MMD2: variants seen among roughly 807,000 people sequenced by gnomAD.
MMD2 encodes monocyte to macrophage differentiation factor 2.
In MMD2, 30 loss-of-function variants were observed where a neutral mutation model predicts 33.5. The observed-to-expected ratio is 0.90, with a 90% confidence interval of 0.67 to 1.22. The LOEUF (loss-of-function observed/expected upper bound fraction) is 1.22. Ranked by LOEUF, MMD2 falls within the 50% of genes most tolerant of loss-of-function variation. The pLI is 0.00. For synonymous variants in MMD2, 129 were observed against 123.0 expected, an observed-to-expected ratio of 1.05 and a Z score of -0.32; for missense variants, 364 against 325.4, an observed-to-expected ratio of 1.12 and a Z score of -0.91.
intron 1 of MMD2, among the ~76,000 whole-genome samples, chr7:4,941,074 G>A (rs1312384287): frequency 6.6e-6 from 1 of 152,206 alleles, no homozygotes; most frequent in African/African-American, 2.4e-5. Flanking sequence ...GGGTTAGGAG[G>A]AGGGGTCGCC....
intron 6 of MMD2, 96 bp from the exon 7 acceptor site, chr7:4,907,695 G>T: frequency 8.0e-7 from 1 of 1,252,470 alleles, no homozygotes; most frequent in Non-Finnish European, 1.1e-6. Context: ...CAAAAGACAT[G>T]CAGATGGCAA....
At chr7:4,936,157 T>A (rs1263240722) in intron 1 of MMD2, among the ~76,000 whole-genome samples, 2 of 145,012 alleles carry the variant, frequency 1.4e-5, no homozygotes, top group African/African-American at 2.6e-5. Flanking sequence ...TGCACTCCAG[T>A]CTGGGTGACG....
chr7:4,909,660 C>T (rs1784955372), intron 6 of MMD2: 1 of 727,718 alleles, frequency 1.4e-6, no homozygotes. Flanking sequence ...GGTCTCAAAT[C>T]CCTGGACTCA....
At chr7:4,897,702 G>C in the MMD2 span, among the ~76,000 whole-genome samples, 88 of 152,124 alleles carry the variant, frequency 5.8e-4, no homozygotes, top group African/African-American at 2.0e-3. Context: ...AACACTGGGT[G>C]CCCTCCTTCC....
intron 1 of MMD2, among the ~76,000 whole-genome samples, chr7:4,933,293 T>C (rs1324093699): frequency 3.3e-5 from 5 of 152,082 alleles, no homozygotes; most frequent in Non-Finnish European, 5.9e-5. Context: ...GCCCAGGAGG[T>C]CAAGGCTACA....
At chr7:4,912,463 G>A (rs1032802774) in intron 4 of MMD2, among the ~76,000 whole-genome samples, 1 of 151,618 alleles carries the variant, frequency 6.6e-6, no homozygotes, top group African/African-American at 2.4e-5. Flanking sequence ...TCAGGAGGCT[G>A]AGGCAGGAGA....
At chr7:4,938,267 C>T (rs1476104094) in intron 1 of MMD2, among the ~76,000 whole-genome samples, 4 of 152,032 alleles carry the variant, frequency 2.6e-5, no homozygotes, top group African/African-American at 7.2e-5. Context: ...CCTCAGCCTC[C>T]CAAAGTGCTG....
intron 6 of MMD2, among the ~76,000 whole-genome samples, chr7:4,908,684 G>A (rs1367132716): frequency 4.6e-5 from 7 of 151,706 alleles, no homozygotes. Flanking sequence ...GGATCACGAG[G>A]TCAGGAGTTC....
At chr7:4,893,004 G>C in the MMD2 span, among the ~76,000 whole-genome samples, 1 of 152,066 alleles carries the variant, frequency 6.6e-6, no homozygotes, top group African/African-American at 2.4e-5. Context: ...GCGAGCCACC[G>C]CACCCAGCTG....
intron 4 of MMD2, 28 bp downstream of exon 4, chr7:4,915,977 G>C (rs758914498): frequency 1.2e-6 from 2 of 1,605,808 alleles, no homozygotes; most frequent in Non-Finnish European, 8.5e-7. Context: ...GCCGCCAAGG[G>C]TTTGCTGGGC....
the MMD2 span, among the ~76,000 whole-genome samples, chr7:4,895,043 C>T: frequency 3.3e-5 from 5 of 151,548 alleles, no homozygotes; most frequent in African/African-American, 9.7e-5. Flanking sequence ...AACGCTCAGC[C>T]GCTTGCATCC....
rs567067419 is a variant in MMD2 at position 4,942,442 on chromosome 7, T to A, written c.47+16529A>T. Among the ~76,000 whole-genome samples the A allele has an allele frequency of 5.0e-4, 75 of 151,228 alleles. 2 individuals carry two copies. In the South Asian group the frequency reaches 0.014, roughly 27 times the overall value. On this transcript the variant is annotated intron_variant, in intron 1 of 6. Coordinates refer to ENST00000401401, the MANE Select transcript of MMD2 (RefSeq NM_198403.4). ...TTTTTTTTTAATTAAAAAATTTTTT[T>A]AATTAATTAGAAATGGAGCCTCACT...
intron 1 of MMD2, among the ~76,000 whole-genome samples, chr7:4,951,194 T>C (rs1339204840): frequency 6.6e-6 from 1 of 151,978 alleles, no homozygotes; most frequent in Non-Finnish European, 1.5e-5. Flanking sequence ...AGAAAGCAAC[T>C]CCCTTGATAA....
intron 5 of MMD2, 179 bp from the exon 6 acceptor site, chr7:4,910,129 G>T: frequency 7.0e-7 from 1 of 1,424,028 alleles, no homozygotes; most frequent in Non-Finnish European, 9.6e-7. Context: ...AACAGGTGCT[G>T]GCAGTTATGT....
At chr7:4,914,406 C>T (rs1785090811) in intron 4 of MMD2, among the ~76,000 whole-genome samples, 1 of 152,204 alleles carries the variant, frequency 6.6e-6, no homozygotes, top group Admixed American at 6.5e-5. Flanking sequence ...GAATTTGTCT[C>T]TTTCATTTCC....
intron 1 of MMD2, among the ~76,000 whole-genome samples, chr7:4,945,857 G>A (rs1455196278): frequency 1.3e-5 from 2 of 152,246 alleles, no homozygotes; most frequent in Admixed American, 6.5e-5. Flanking sequence ...TTACAGGCGT[G>A]AGCCGCCGCA....
At chr7:4,955,846 A>G (rs1366494535) in intron 1 of MMD2, among the ~76,000 whole-genome samples, 1 of 152,172 alleles carries the variant, frequency 6.6e-6, no homozygotes, top group East Asian at 1.9e-4. Flanking sequence ...TGAGGTCAGG[A>G]GTTCGAGACC....
At chr7:4,924,590 G>A (rs569101058) in intron 2 of MMD2, among the ~76,000 whole-genome samples, 1 of 152,324 alleles carries the variant, frequency 6.6e-6, no homozygotes, top group South Asian at 2.1e-4. Flanking sequence ...GTGATGGGCC[G>A]TGAAGGCTAC....
In MMD2 at chr7:4,921,405, G is replaced by A. The variant is rs1562481455; in HGVS notation, c.130-1074C>T. On this transcript the variant is annotated intron_variant, in intron 2 of 6. Transcript: ENST00000401401. ...GGAGGCCGAGGCGGGCAGATCACGA[G>A]GTCAGGAGTTCGAGACCAGCCTGGC... Among the ~76,000 whole-genome samples, 4 of 151,856 alleles carry A rather than the reference G, an allele frequency of 2.6e-5. No individual in the cohort carries two copies. The Admixed American group carries it at 2.6e-4, about 10-fold the overall frequency.
Sources: gnomAD v4.1 joint callset for allele counts (sites outside exome capture counted in the v4.1 genomes callset) on GRCh38, gnomAD v4.1.1 for gene constraint, MANE v1.5 for transcripts, NCBI Gene and HGNC (gene_info 2026-07-23, HGNC 2026-07-21) for gene names.